The following SLCO1B1 variants were observed in gnomAD, a reference collection of about 807,000 sequenced individuals.
The protein encoded by SLCO1B1 is OATP-2.
A neutral mutation model predicts 70.1 loss-of-function variants in SLCO1B1; 81 were observed. The ratio of observed to expected loss-of-function variants is 1.16; its 90% CI spans 0.97 to 1.39. The LOEUF (loss-of-function observed/expected upper bound fraction) is 1.39, where lower values mean the gene tolerates loss of function less well. Ranked by LOEUF, SLCO1B1 falls within the 40% of genes most tolerant of loss-of-function variation. The probability of loss-of-function intolerance (pLI) is 0.00; values close to 1 mark genes in which losing one functional copy is unlikely to be tolerated. For synonymous variants in SLCO1B1, 283 were observed against 271.5 expected (o/e 1.04, Z -0.42); for missense variants, 895 against 799.6 (o/e 1.12, Z -1.44).
chr12:21,152,130 G>T (rs1003814602), intron 2 of SLCO1B1, among the ~76,000 whole-genome samples: 2 of 151,720 alleles, frequency 1.3e-5, no homozygotes, highest in African/African-American at 4.8e-5. Context: ...CATATATCCT[G>T]AATCTCAGAT....
intron 7 of SLCO1B1, among the ~76,000 whole-genome samples, chr12:21,190,287 G>A (rs1941014633): frequency 6.6e-6 from 1 of 152,200 alleles, no homozygotes; most frequent in Non-Finnish European, 1.5e-5. Context: ...AGATTGTGTT[G>A]GCTCCAGCCT....
Position 21,222,340 on chromosome 12 carries a change from C to A in SLCO1B1, c.1723C>A (p.His575Asn). 2.3e-6 allele frequency: 2 copies of A among 880,728 alleles called. No homozygotes were observed. The highest frequency in any genetic ancestry group is 2.0e-5 in the South Asian group (1 of 49,342). The allele number at this position is 880,728 out of a possible 1,614,324, so 54.6% of individuals were successfully genotyped here. Residue 575 changes from histidine (H) to asparagine (N), a missense_variant, in exon 13 of 15, where the codon CAC becomes AAC. By Grantham distance (68) the His-to-Asn change is moderately conservative (BLOSUM62 1). Transcript: ENST00000256958. ...PELKSLALGF[H>N]SMVIRALGGI... is the part of the protein sequence containing the mutation. ...ATTGAAATCACTTGCACTGGGTTTCCACTCAATGGTTATACGAGCACTAGG... is the reference window on the plus strand; with the variant it reads ...ATTGAAATCACTTGCACTGGGTTTCAACTCAATGGTTATACGAGCACTAGG...
intron 11 of SLCO1B1, among the ~76,000 whole-genome samples, chr12:21,207,251 A>G (rs1169732737): frequency 6.6e-6 from 1 of 152,018 alleles, no homozygotes; most frequent in Non-Finnish European, 1.5e-5. Flanking sequence ...GGTAGTGAGC[A>G]TAATACCCAA....
At chr12:21,229,685 T>C (rs11045879) in intron 14 of SLCO1B1, among the ~76,000 whole-genome samples, 28,226 of 152,080 alleles carry the variant, frequency 0.19, 2,976 homozygotes, top group East Asian at 0.45. Context: ...TATGAAGATG[T>C]TTGATTCTGT....
intron 10 of SLCO1B1, 78 bp from the exon 11 acceptor site, chr12:21,205,787 TTAC>T (rs1941208559): frequency 9.4e-7 from 1 of 1,060,962 alleles, no homozygotes; most frequent in African/African-American, 1.6e-5. Context: ...TGCTTTCACT[TTAC>T]TTCTTCCTTC....
intron 6 of SLCO1B1, 88 bp from the exon 7 acceptor site, chr12:21,178,834 T>G: frequency 7.4e-7 from 1 of 1,351,688 alleles, no homozygotes; most frequent in Non-Finnish European, 1.1e-6. Flanking sequence ...TTTGGGTATA[T>G]GTATTGTATC....
intron 1 of SLCO1B1, among the ~76,000 whole-genome samples, chr12:21,133,745 G>A (rs1245959451): frequency 6.6e-6 from 1 of 152,020 alleles, no homozygotes; most frequent in Non-Finnish European, 1.5e-5. Context: ...GAGATGATGG[G>A]GTTTTCTAGA....
chr12:21,217,771 C>A (rs560156232), intron 12 of SLCO1B1, among the ~76,000 whole-genome samples: 2 of 152,082 alleles, frequency 1.3e-5, no homozygotes, highest in African/African-American at 4.8e-5. Context: ...TTTTATAATA[C>A]CCTTGTAGAA....
chr12:21,223,868 T>C (rs1423012317), intron 13 of SLCO1B1, among the ~76,000 whole-genome samples: 1 of 152,104 alleles, frequency 6.6e-6, no homozygotes, highest in African/African-American at 2.4e-5. Context: ...AATCTCAGAG[T>C]TCATTAAAAC....
At chr12:21,187,146 G>A (rs1410525566) in intron 7 of SLCO1B1, among the ~76,000 whole-genome samples, 1 of 152,036 alleles carries the variant, frequency 6.6e-6, no homozygotes, top group Non-Finnish European at 1.5e-5. Context: ...GAAGAGAAGT[G>A]AGCACCAGGA....
intron 8 of SLCO1B1, among the ~76,000 whole-genome samples, chr12:21,198,487 G>T (rs970525589): frequency 2.0e-5 from 3 of 152,022 alleles, no homozygotes; most frequent in Non-Finnish European, 4.4e-5. Context: ...AAGGAGCGGG[G>T]TTGACTGTGA....
At chr12:21,220,212 G>A (rs977388981) in intron 12 of SLCO1B1, among the ~76,000 whole-genome samples, 1 of 152,142 alleles carries the variant, frequency 6.6e-6, no homozygotes, top group African/African-American at 2.4e-5. Context: ...GACTAAGAAA[G>A]GGTAGATTGG....
chr12:21,178,558 ACT>A lies in SLCO1B1; in HGVS notation c.482-13_482-12del. On this transcript the variant is annotated splice_polypyrimidine_tract_variant and intron_variant, in intron 5 of 14. Transcript: ENST00000256958. The stretch of plus-strand genomic sequence containing the variant: ...CTAAAATTAATGTTTAAAATGAAAC[ACT>A]CTCTTATCTACATAGGTTGTTTAAA... The A allele has an allele frequency of 6.4e-7, 1 of 1,562,346 alleles. No homozygotes were observed. Among genetic ancestry groups the A allele is most frequent in the Non-Finnish European group, 8.8e-7 (1 of 1,135,526 alleles).
At chr12:21,149,855 C>T (rs560105690) in intron 2 of SLCO1B1, among the ~76,000 whole-genome samples, 129 of 152,194 alleles carry the variant, frequency 8.5e-4, no homozygotes, top group Admixed American at 2.2e-3. Flanking sequence ...AGACAGAACC[C>T]TTCACTCCCC....
In SLCO1B1 at chr12:21,145,566, G is replaced by A. The variant is rs116823103; in HGVS notation, c.84+3908G>A. Among the ~76,000 whole-genome samples, 1,137 of 137,334 alleles carry A rather than the reference G, an allele frequency of 8.3e-3. 10 individuals carry two copies. Among genetic ancestry groups the A allele is most frequent in the African/African-American group, 0.029 (1,043 of 36,526 alleles). 90.1% of individuals were successfully genotyped at this position (137,334 alleles called of 152,430 possible). Reference sequence around the variant, plus strand: ...ATTCCTAGGCTCAAGCAATCAGCCCGCCTTGGCCTCCTAAAGTGCTGGAAT... The same window carrying A: ...ATTCCTAGGCTCAAGCAATCAGCCCACCTTGGCCTCCTAAAGTGCTGGAAT... On this transcript the variant is annotated intron_variant, in intron 2 of 14. Transcript: ENST00000256958.
rs1941489649 is a variant in SLCO1B1 at position 21,227,009 on chromosome 12, C to A, written c.1865+2170C>A. ...AATTAAAACTCACCCAAATTGTCAA[C>A]CATCAAAAATGTTAAGTAGACATTG... On this transcript the variant is annotated intron_variant, in intron 14 of 14. Transcript: ENST00000256958. Among the ~76,000 whole-genome samples the A allele has an allele frequency of 2.6e-5, 4 of 152,066 alleles. No individual in the cohort carries two copies. In the South Asian group the frequency reaches 8.3e-4, roughly 32 times the overall value.
intron 1 of SLCO1B1, among the ~76,000 whole-genome samples, chr12:21,139,711 G>A (rs1399597488): frequency 1.3e-5 from 2 of 152,126 alleles, no homozygotes; most frequent in Non-Finnish European, 2.9e-5. Context: ...TCACATGCAT[G>A]TGCAAAGTGG....
At chr12:21,180,403 C>A (rs1230952747) in intron 7 of SLCO1B1, among the ~76,000 whole-genome samples, 3 of 152,118 alleles carry the variant, frequency 2.0e-5, no homozygotes, top group Non-Finnish European at 4.4e-5. Flanking sequence ...AATTAATAGC[C>A]AAGAGCATGC....
intron 2 of SLCO1B1, among the ~76,000 whole-genome samples, chr12:21,142,404 C>A (rs1008472356): frequency 2.0e-5 from 3 of 151,844 alleles, no homozygotes; most frequent in East Asian, 3.9e-4. Context: ...GAATTGAAAA[C>A]CCTGGAACCC....
Sources: allele counts gnomAD v4.1 joint callset (sites outside exome capture counted in the v4.1 genomes callset), GRCh38; gene constraint gnomAD v4.1.1; transcripts MANE v1.5; gene names NCBI Gene and HGNC (gene_info 2026-07-23, HGNC 2026-07-21).